PRKN: variants seen among roughly 807,000 people sequenced by gnomAD.
PRKN encodes E3 ubiquitin-protein ligase parkin.
PRKN carries 56 observed loss-of-function variants against 59.5 expected under a neutral mutation model. That is an observed-to-expected ratio of 0.94 (90% CI 0.76 to 1.18). The LOEUF (loss-of-function observed/expected upper bound fraction) is 1.18. PRKN is among the 50% of genes most tolerant of loss of function. The pLI is 0.00. For synonymous variants in PRKN, 250 were observed against 222.1 expected, an observed-to-expected ratio of 1.13 and a Z score of -1.12; for missense variants, 657 against 596.4, an observed-to-expected ratio of 1.10 and a Z score of -1.06.
intron 1 of PRKN, among the ~76,000 whole-genome samples, chr6:162,653,396 G>T (rs1187173890): frequency 6.6e-6 from 1 of 152,024 alleles, no homozygotes; most frequent in African/African-American, 2.4e-5. Context: ...ATATTTTAAG[G>T]ATTTTTCATA....
rs549718573 is a variant in PRKN, at chr6:161,411,085, G to T, written c.1084-24208C>A. 2.0e-4 allele frequency among the ~76,000 whole-genome samples: 31 copies of T among 152,254 alleles called. 1 individual carries two copies. The Middle Eastern group carries it at 0.027, about 134-fold the overall frequency. ...ACCAGTGCAGGGCCTCTGGGATGCTGGCAAACTCTAGTTTCACTGTGAGGC... is the reference window on the plus strand; with the variant it reads ...ACCAGTGCAGGGCCTCTGGGATGCTTGCAAACTCTAGTTTCACTGTGAGGC... On this transcript the variant is annotated intron_variant, in intron 9 of 11. Coordinates refer to ENST00000366898, the MANE Select transcript of PRKN (RefSeq NM_004562.3).
chr6:161,844,649 GA>G (rs762094622), intron 6 of PRKN, among the ~76,000 whole-genome samples: 2 of 152,226 alleles, frequency 1.3e-5, no homozygotes, highest in Non-Finnish European at 2.9e-5. Flanking sequence ...TACCACATTG[GA>G]CAGCACAGAA....
At chr6:162,476,364 G>A (rs1164993919) in intron 1 of PRKN, among the ~76,000 whole-genome samples, 8 of 152,148 alleles carry the variant, frequency 5.3e-5, no homozygotes, top group African/African-American at 1.2e-4. Flanking sequence ...GAGCCACCGC[G>A]CCCAGCCCAC....
rs371241696 is a variant in PRKN, at chr6:162,380,473, G to GTGTA, written c.171+62836_171+62837insTACA. On this transcript the variant is annotated intron_variant, in intron 2 of 11. Coordinates refer to ENST00000366898, the MANE Select transcript of PRKN (RefSeq NM_004562.3). Reference sequence around the variant, plus strand: ...TATATATACACACATATATATGTGTGTATATATATGTATATATACACACAT... The same window carrying GTGTA: ...TATATATACACACATATATATGTGTGTGTATATATATATGTATATATACACACAT... Among the ~76,000 whole-genome samples the GTGTA allele has an allele frequency of 5.4e-3, 211 of 38,906 alleles. 2 individuals carry two copies. Among genetic ancestry groups the GTGTA allele is most frequent in the Middle Eastern group, 0.015 (1 of 66 alleles). The allele number at this position is 38,906 out of a possible 152,430, so 25.5% of individuals were successfully genotyped here. A position where few individuals can be genotyped will look rare whatever the true frequency, so the allele number is the denominator to read the frequency against.
intron 6 of PRKN, 109 bp from the exon 7 acceptor site, chr6:161,786,017 G>T: frequency 9.1e-7 from 1 of 1,100,392 alleles, no homozygotes; most frequent in Non-Finnish European, 1.4e-6. Flanking sequence ...ACTGTGCTCT[G>T]TGCAAAGACC....
intron 1 of PRKN, among the ~76,000 whole-genome samples, chr6:162,444,559 C>T (rs1790219348): frequency 6.6e-6 from 1 of 151,950 alleles, no homozygotes; most frequent in African/African-American, 2.4e-5. Flanking sequence ...CCTCCTTCTC[C>T]TCTTCCTATT....
rs1562456729 is a variant in PRKN at position 161,448,872 on chromosome 6, G to A, written c.1084-61995C>T. Among the ~76,000 whole-genome samples the A allele has an allele frequency of 6.6e-6, 1 of 152,162 alleles. No individual in the cohort carries two copies. The highest frequency in any genetic ancestry group is 1.5e-5 in the Non-Finnish European group (1 of 68,044). ...GTGGCACTATTATTTTAAAATAAAA[G>A]CGTTCAAGGTAGAGGATGACTTTGG... On this transcript the variant is annotated intron_variant, in intron 9 of 11. Coordinates refer to ENST00000366898, the MANE Select transcript of PRKN (RefSeq NM_004562.3). This position sits in a 1 kb window ranked among gnomAD's most constrained non-coding sequence, Gnocchi z 5.1.
At chr6:161,536,163 T>C (rs567763999) in intron 9 of PRKN, among the ~76,000 whole-genome samples, 2 of 152,262 alleles carry the variant, frequency 1.3e-5, no homozygotes, top group Admixed American at 6.5e-5. Context: ...TTAAGAGATT[T>C]TGATTGGAGA....
chr6:162,367,767 A>G (rs1281049788), intron 2 of PRKN, among the ~76,000 whole-genome samples: 1 of 152,176 alleles, frequency 6.6e-6, no homozygotes, highest in Non-Finnish European at 1.5e-5. Flanking sequence ...CAGAGCAGAA[A>G]GAGAAAAAAA....
chr6:161,931,391 T>G (rs1205374402), intron 6 of PRKN, among the ~76,000 whole-genome samples: 1 of 152,010 alleles, frequency 6.6e-6, no homozygotes, highest in African/African-American at 2.4e-5. Flanking sequence ...TGAGCAGAGA[T>G]CACACCACTG....
chr6:162,436,176 CAAAAAAA>C (rs35792526), intron 2 of PRKN, among the ~76,000 whole-genome samples: 3 of 54,708 alleles, frequency 5.5e-5, no homozygotes, highest in Non-Finnish European at 6.6e-5. Context: ...ACTCCATCTC[CAAAAAAA>C]AAAAAAAAAA....
chr6:162,294,135 G>A (rs1781557961), intron 2 of PRKN, among the ~76,000 whole-genome samples: 1 of 152,084 alleles, frequency 6.6e-6, no homozygotes. Flanking sequence ...CAGGAGAGAT[G>A]CAGAAAAGAG....
chr6:162,475,025 A>T (rs960319136), intron 1 of PRKN, among the ~76,000 whole-genome samples: 1 of 152,224 alleles, frequency 6.6e-6, no homozygotes, highest in Non-Finnish European at 1.5e-5. Flanking sequence ...CCCTCCAGAC[A>T]TAAGTAAACT....
intron 5 of PRKN, among the ~76,000 whole-genome samples, chr6:162,023,571 C>T (rs1447297371): frequency 1.3e-5 from 2 of 152,152 alleles, no homozygotes; most frequent in Non-Finnish European, 2.9e-5. Context: ...CTCTCCTCGC[C>T]CTCTCCACGA....
chr6:162,056,745 C>T lies in PRKN; in HGVS notation c.535-2571G>A, dbSNP rs1340257478. 2.6e-5 allele frequency among the ~76,000 whole-genome samples: 4 copies of T among 152,162 alleles called. No individual in the cohort carries two copies. The highest frequency in any genetic ancestry group is 9.7e-5 in the African/African-American group (4 of 41,450). ...AAACCATGGCTATGCACAACATCTT[C>T]TCACCCTCGGCAAGGCTGGAATTTT... On this transcript the variant is annotated intron_variant, in intron 4 of 11. Coordinates refer to ENST00000366898, the MANE Select transcript of PRKN (RefSeq NM_004562.3). This position sits in a 1 kb window ranked among gnomAD's most constrained non-coding sequence, Gnocchi z 4.9.
rs576728216 is a variant in PRKN, at chr6:162,589,351, T to A, written c.7+138311A>T. ...AAATACAAAAATGTTACAAGAAATT[T>A]AAAAAAAATAACACTGATAGCTCCT... On this transcript the variant is annotated intron_variant, in intron 1 of 11. Transcript: ENST00000366898. 8.9e-3 allele frequency among the ~76,000 whole-genome samples: 1,352 copies of A among 151,974 alleles called. 4 individuals are homozygous for A. Among genetic ancestry groups the A allele is most frequent in the Non-Finnish European group, 0.015 (994 of 67,938 alleles).
intron 5 of PRKN, among the ~76,000 whole-genome samples, chr6:162,003,138 T>A (rs1782121020): frequency 6.7e-6 from 1 of 149,296 alleles, no homozygotes; most frequent in Non-Finnish European, 1.5e-5. Flanking sequence ...ATCCAGTTGA[T>A]CAATGGCTGC....
Position 161,391,494 on chromosome 6 carries a change from T to A in PRKN, c.1084-4617A>T, listed in dbSNP as rs998649946. 2.6e-5 allele frequency among the ~76,000 whole-genome samples: 4 copies of A among 151,712 alleles called. No homozygotes were observed. The highest frequency in any genetic ancestry group is 7.3e-5 in the African/African-American group (3 of 41,282). On this transcript the variant is annotated intron_variant, in intron 9 of 11. Transcript: ENST00000366898. This position sits in a 1 kb window ranked among gnomAD's most constrained non-coding sequence, Gnocchi z 4.9. ...AAACAATCATAAAATAATACATACT[T>A]ATTTCATTGGCTCTCTAAAGTCTAT...
chr6:162,107,983 C>G (rs933848046), intron 4 of PRKN, among the ~76,000 whole-genome samples: 1 of 152,184 alleles, frequency 6.6e-6, no homozygotes, highest in Non-Finnish European at 1.5e-5. Context: ...CATATTATGT[C>G]TATTTAATAT....
Sources: allele counts gnomAD v4.1 joint callset (sites outside exome capture counted in the v4.1 genomes callset), GRCh38; gene constraint gnomAD v4.1.1; non-coding constraint Gnocchi (gnomAD v3.1); transcripts MANE v1.5; gene names NCBI Gene and HGNC (gene_info 2026-07-23, HGNC 2026-07-21).